TAFA1: variants seen among roughly 807,000 people sequenced by gnomAD.
TAFA1 encodes the protein chemokine-like protein TAFA-1.
Under a neutral mutation model 18.5 loss-of-function variants are expected in TAFA1, and 4 were observed. The observed-to-expected ratio is 0.22, with a 90% CI of 0.11 to 0.49. TAFA1 has a LOEUF of 0.49. Ranked by LOEUF, TAFA1 falls within the 20% of genes least tolerant of loss-of-function variation. The probability of loss-of-function intolerance (pLI) is 0.98; values close to 1 mark genes in which losing one functional copy is unlikely to be tolerated. For missense variants in TAFA1, 147 were observed against 169.0 expected (o/e 0.87, Z 0.72); for synonymous variants, 56 against 55.2 (o/e 1.01, Z -0.06).
chr3:68,170,910 T>C (rs946236893), intron 2 of TAFA1, among the ~76,000 whole-genome samples: 2 of 151,850 alleles, frequency 1.3e-5, no homozygotes, highest in Non-Finnish European at 2.9e-5. Flanking sequence ...ATATATACTT[T>C]ACAGAATTCA....
At chr3:68,268,541 TGGGAGA>T in intron 2 of TAFA1, among the ~76,000 whole-genome samples, 1 of 151,868 alleles carries the variant, frequency 6.6e-6, no homozygotes, top group African/African-American at 2.4e-5. Flanking sequence ...TCTCCCCCAC[TGGGAGA>T]AAATATGGTG....
chr3:68,349,758 A>G (rs262221), intron 2 of TAFA1, among the ~76,000 whole-genome samples: 74,959 of 151,844 alleles, frequency 0.49, 18,992 homozygotes, highest in East Asian at 0.72. Flanking sequence ...TGTAAAAGCA[A>G]GCAGGGGATC....
At chr3:68,068,440 G>C (rs1212351911) in intron 2 of TAFA1, among the ~76,000 whole-genome samples, 4 of 152,144 alleles carry the variant, frequency 2.6e-5, no homozygotes, top group African/African-American at 4.8e-5. Flanking sequence ...TCTGAGGCTT[G>C]AGACTTCATA....
intron 2 of TAFA1, among the ~76,000 whole-genome samples, chr3:68,110,125 C>T (rs926666828): frequency 1.3e-5 from 2 of 152,090 alleles, no homozygotes; most frequent in Non-Finnish European, 2.9e-5. Context: ...TGATGATCTC[C>T]CCCAACTCCT....
At chr3:68,203,818 A>G (rs2066494596) in intron 2 of TAFA1, among the ~76,000 whole-genome samples, 1 of 151,672 alleles carries the variant, frequency 6.6e-6, no homozygotes, top group Non-Finnish European at 1.5e-5. Flanking sequence ...GGTTAAGAAC[A>G]TAGTGTTCTG....
chr3:68,440,790 T>C (rs927398560), intron 3 of TAFA1, among the ~76,000 whole-genome samples: 2 of 152,162 alleles, frequency 1.3e-5, no homozygotes, highest in African/African-American at 4.8e-5. Context: ...CATTGTGGAA[T>C]AGTAGACTGA....
chr3:68,429,548 G>T (rs908919864), intron 3 of TAFA1, among the ~76,000 whole-genome samples: 32 of 151,824 alleles, frequency 2.1e-4, no homozygotes, highest in African/African-American at 7.7e-4. Flanking sequence ...TCTTATATTT[G>T]CTCTCTAGGA....
At chr3:68,143,242 A>G (rs1249442571) in intron 2 of TAFA1, among the ~76,000 whole-genome samples, 1 of 152,188 alleles carries the variant, frequency 6.6e-6, no homozygotes, top group Non-Finnish European at 1.5e-5. Flanking sequence ...TTAACCATAT[A>G]TAGTTTCTAC....
At chr3:68,182,004 T>C (rs1261814837) in intron 2 of TAFA1, among the ~76,000 whole-genome samples, 6 of 152,040 alleles carry the variant, frequency 3.9e-5, no homozygotes, top group Non-Finnish European at 7.4e-5. Flanking sequence ...CTGGGGAGCT[T>C]GAGACCAGCC....
chr3:68,037,317 A>G (rs1267398739), intron 2 of TAFA1, among the ~76,000 whole-genome samples: 1 of 152,162 alleles, frequency 6.6e-6, no homozygotes, highest in African/African-American at 2.4e-5. Context: ...CAAAGAGGAA[A>G]GGACCAGATG....
intron 3 of TAFA1, among the ~76,000 whole-genome samples, chr3:68,521,488 A>C (rs2073020545): frequency 1.3e-5 from 2 of 152,184 alleles, no homozygotes; most frequent in Admixed American, 1.3e-4. Context: ...CACGAAGCGT[A>C]CAGCTTAGTG....
rs148305563 is a variant in TAFA1, at chr3:68,057,185, A to T, written c.118+50441A>T. 2.2e-3 allele frequency among the ~76,000 whole-genome samples: 336 copies of T among 152,134 alleles called. 1 individual carries two copies. Among genetic ancestry groups the T allele is most frequent in the African/African-American group, 7.8e-3 (324 of 41,506 alleles). On this transcript the variant is annotated intron_variant, in intron 2 of 4. Transcript: ENST00000478136. ...CTTGAATTGGGAGCTAGGAATAGAA[A>T]CTCATAGTTTGTAGATTTGGCAGTG...
At chr3:68,444,376 TTC>T (rs2071437891) in intron 3 of TAFA1, among the ~76,000 whole-genome samples, 1 of 152,170 alleles carries the variant, frequency 6.6e-6, no homozygotes, top group African/African-American at 2.4e-5. Flanking sequence ...CTTCTTCTTT[TTC>T]TCTGTCACTC....
intron 2 of TAFA1, among the ~76,000 whole-genome samples, chr3:68,170,482 C>A (rs1475671377): frequency 2.0e-5 from 3 of 151,842 alleles, no homozygotes; most frequent in South Asian, 2.1e-4. Context: ...AGGAGGCTGA[C>A]CAAAATATTT....
chr3:68,232,145 T>C (rs2066879972), intron 2 of TAFA1, among the ~76,000 whole-genome samples: 1 of 152,324 alleles, frequency 6.6e-6, no homozygotes, highest in South Asian at 2.1e-4. Flanking sequence ...TATACTACTA[T>C]AGGACACTGA....
At chr3:67,991,770 A>G in the TAFA1 span, among the ~76,000 whole-genome samples, 1 of 152,188 alleles carries the variant, frequency 6.6e-6, no homozygotes, top group Non-Finnish European at 1.5e-5. Flanking sequence ...GCTTGCAGAC[A>G]GCCTGTCGTG....
At chr3:68,337,109 A>C (rs919901015) in intron 2 of TAFA1, among the ~76,000 whole-genome samples, 10 of 151,968 alleles carry the variant, frequency 6.6e-5, no homozygotes, top group Admixed American at 1.3e-4. Context: ...CTGTTCTCAC[A>C]CTTCTTTATA....
At chr3:68,444,912 G>GC (rs2106879055) in intron 3 of TAFA1, among the ~76,000 whole-genome samples, 1 of 151,268 alleles carries the variant, frequency 6.6e-6, no homozygotes, top group East Asian at 1.9e-4. Flanking sequence ...CCTTCTGAAT[G>GC]CCACATTTTG....
chr3:68,062,502 A>T (rs942099986), intron 2 of TAFA1, among the ~76,000 whole-genome samples: 1 of 152,216 alleles, frequency 6.6e-6, no homozygotes, highest in East Asian at 1.9e-4. Flanking sequence ...CAAACAAATA[A>T]ACAGCAAGAA....
Sources: gnomAD v4.1 joint callset for allele counts (sites outside exome capture counted in the v4.1 genomes callset) on GRCh38, gnomAD v4.1.1 for gene constraint, MANE v1.5 for transcripts, NCBI Gene and HGNC (gene_info 2026-07-23, HGNC 2026-07-21) for gene names.